Variants in SDK1 observed in about 807,000 individuals in gnomAD.
SDK1 encodes protein sidekick-1.
A neutral mutation model predicts 245.5 loss-of-function variants in SDK1; 157 were observed. That is an observed-to-expected ratio of 0.64 (90% CI 0.56 to 0.73). The LOEUF (loss-of-function observed/expected upper bound fraction) is 0.73, where lower values mean the gene tolerates loss of function less well. Among genes scored for constraint, SDK1 ranks in the 30% least tolerant of loss-of-function variants. The pLI is 0.00. For missense variants in SDK1, 3,583 were observed against 3,002.3 expected (o/e 1.19, Z -4.52); for synonymous variants, 1,647 against 1,278.5 (o/e 1.29, Z -6.15).
rs1442667276 is a variant in SDK1, at chr7:3,821,562, T to C, written c.826T>C (p.Phe276Leu). 1 of 1,613,762 alleles carries C rather than the reference T, an allele frequency of 6.2e-7. No individual in the cohort carries two copies. Among genetic ancestry groups the C allele is most frequent in the Non-Finnish European group, 8.5e-7 (1 of 1,179,854 alleles). The change falls in exon 5 of 45, where the codon TTC (phenylalanine) becomes CTC (leucine). Residue 276 changes from phenylalanine (F) to leucine (L), a missense_variant. Phe to Leu is a conservative substitution (Grantham distance 22). Coordinates refer to ENST00000404826, the MANE Select transcript of SDK1 (RefSeq NM_152744.4). ...EKNGENKTSP[F>L]IHLSIARDVG... ...AAATGGAGAAAACAAGACAAGCCCA[T>C]TCATTCATTTGAGCATAGCAAGTGA...
rs936538026 is a variant in SDK1, at chr7:3,962,823, C to G, written c.1401C>G (p.Ile467Met). 3 of 1,613,210 alleles carry G rather than the reference C, an allele frequency of 1.9e-6. No individual in the cohort carries two copies. Among genetic ancestry groups the G allele is most frequent in the Non-Finnish European group, 2.5e-6 (3 of 1,179,726 alleles). ...TCGCCAGCAATGAAGGAGGGGAGAT[C>G]CAGACCCACACCTACCTGGATGTAA... ...QCFASNEGGE[I>M]QTHTYLDVTN... The change falls in exon 9 of 45, where the codon ATC becomes ATG. Residue 467 changes from isoleucine (I) to methionine (M), a missense_variant. Transcript: ENST00000404826.
intron 4 of SDK1, among the ~76,000 whole-genome samples, chr7:3,707,124 G>A (rs2115014369): frequency 6.6e-6 from 1 of 152,116 alleles, no homozygotes; most frequent in East Asian, 1.9e-4. Context: ...TGTTTCTCTA[G>A]TTCCTTGAGA....
intron 17 of SDK1, among the ~76,000 whole-genome samples, chr7:4,027,142 C>T (rs1249008030): frequency 1.3e-5 from 2 of 152,164 alleles, no homozygotes; most frequent in Non-Finnish European, 2.9e-5. Flanking sequence ...TAGAGGAGAT[C>T]GGAGCCAGCA....
intron 1 of SDK1, among the ~76,000 whole-genome samples, chr7:3,505,849 G>A (rs1583967854): frequency 6.6e-6 from 1 of 152,074 alleles, no homozygotes; most frequent in African/African-American, 2.4e-5. Context: ...AGCCATGGGA[G>A]GTCCTGGAAC....
chr7:4,093,638 G>A (rs1250733412), intron 22 of SDK1, among the ~76,000 whole-genome samples: 3 of 152,166 alleles, frequency 2.0e-5, no homozygotes, highest in South Asian at 2.1e-4. Context: ...GCGCCCAGGC[G>A]TCCCCAGGAC....
At chr7:3,787,044 A>C (rs545239623) in intron 4 of SDK1, among the ~76,000 whole-genome samples, 2 of 152,250 alleles carry the variant, frequency 1.3e-5, no homozygotes, top group South Asian at 4.2e-4. Context: ...GGTGGTTGAC[A>C]TAAACATTGT....
intron 5 of SDK1, among the ~76,000 whole-genome samples, chr7:3,890,665 G>A (rs1781437156): frequency 6.6e-6 from 1 of 152,122 alleles, no homozygotes; most frequent in African/African-American, 2.4e-5. Context: ...AAAAGTAGCG[G>A]GTGTGGTAGC....
intron 1 of SDK1, among the ~76,000 whole-genome samples, chr7:3,431,619 G>T (rs1267808058): frequency 6.6e-6 from 1 of 152,050 alleles, no homozygotes; most frequent in Non-Finnish European, 1.5e-5. Context: ...AAACTTTTGT[G>T]GTAATCTTTT....
intron 1 of SDK1, among the ~76,000 whole-genome samples, chr7:3,605,951 A>G (rs1781411637): frequency 6.6e-6 from 1 of 152,168 alleles, no homozygotes; most frequent in South Asian, 2.1e-4. Flanking sequence ...TGATCCAATT[A>G]TCTAATTCCA....
At chr7:3,977,864 A>G (rs1000088774) in intron 13 of SDK1, among the ~76,000 whole-genome samples, 2 of 152,244 alleles carry the variant, frequency 1.3e-5, no homozygotes, top group South Asian at 2.1e-4. Flanking sequence ...GCCTGCGTGC[A>G]TGCATGAAGG....
In SDK1 at chr7:4,058,812, A is replaced by G. The variant is rs185998714; in HGVS notation, c.2911+6982A>G. On this transcript the variant is annotated intron_variant, in intron 19 of 44. Transcript: ENST00000404826. ...TCCTAGATAAGTAAAAGCTGAGGGA[A>G]TTCATCTCCACTGGACTGGCCCTAC... Among the ~76,000 whole-genome samples, 473 of 152,358 alleles carry G rather than the reference A, an allele frequency of 3.1e-3. 2 individuals carry two copies. The highest frequency in any genetic ancestry group is 5.8e-3 in the Non-Finnish European group (397 of 68,022).
intron 1 of SDK1, among the ~76,000 whole-genome samples, chr7:3,336,206 T>G (rs1260720371): frequency 6.6e-6 from 1 of 152,130 alleles, no homozygotes; most frequent in Non-Finnish European, 1.5e-5. Context: ...TTCCCAGGCT[T>G]CGAGAGCAGG....
chr7:4,221,249 C>T lies in SDK1; in HGVS notation c.5712C>T (p.Gly1904=), dbSNP rs373165856. The T allele has an allele frequency of 2.5e-6, 4 of 1,613,476 alleles. No homozygotes were observed. Among genetic ancestry groups the T allele is most frequent in the Non-Finnish European group, 3.4e-6 (4 of 1,179,980 alleles). Residue 1904 remains glycine (G), a synonymous_variant, in exon 40 of 45, where the codon GGC becomes GGT. Transcript: ENST00000404826. ...ITAGPAEGSP[G]SPRDVLVTKS... is the part of the protein sequence containing the mutation. ...TTCTTTATCCCGCAGGATCCCCGGG[C>T]TCGCCTAGAGATGTCCTGGTCACCA...
chr7:3,911,414 C>G (rs1439714485), intron 5 of SDK1, among the ~76,000 whole-genome samples: 1 of 152,120 alleles, frequency 6.6e-6, no homozygotes, highest in Non-Finnish European at 1.5e-5. Context: ...AAGTCCAAGA[C>G]CAAGGCACCA....
intron 9 of SDK1, among the ~76,000 whole-genome samples, chr7:3,966,755 C>A (rs1490181210): frequency 6.6e-6 from 1 of 152,004 alleles, no homozygotes; most frequent in Non-Finnish European, 1.5e-5. Context: ...GCACGATCAT[C>A]ACTCACTGCA....
At chr7:3,925,831 T>C (rs140874936) in intron 5 of SDK1, among the ~76,000 whole-genome samples, 70 of 152,268 alleles carry the variant, frequency 4.6e-4, no homozygotes, top group Non-Finnish European at 8.2e-4. Flanking sequence ...CTGAAAAACA[T>C]AGGGTCAGCC....
intron 26 of SDK1, among the ~76,000 whole-genome samples, chr7:4,128,281 C>A (rs1427295431): frequency 6.6e-6 from 1 of 152,172 alleles, no homozygotes; most frequent in African/African-American, 2.4e-5. Flanking sequence ...TTGTTTTCCC[C>A]GCCTGCTCTC....
At chr7:3,625,085 C>G (rs1256013513) in intron 2 of SDK1, among the ~76,000 whole-genome samples, 3 of 151,944 alleles carry the variant, frequency 2.0e-5, no homozygotes, top group African/African-American at 7.3e-5. Context: ...AGTTCTCAAA[C>G]CAATGCTAAA....
At chr7:3,886,771 C>G (rs976908395) in intron 5 of SDK1, among the ~76,000 whole-genome samples, 1 of 152,134 alleles carries the variant, frequency 6.6e-6, no homozygotes, top group Non-Finnish European at 1.5e-5. Flanking sequence ...TAAAAATTAG[C>G]TAAGCATGGT....
Sources: gnomAD v4.1 joint callset for allele counts (sites outside exome capture counted in the v4.1 genomes callset) on GRCh38, gnomAD v4.1.1 for gene constraint, MANE v1.5 for transcripts, NCBI Gene and HGNC (gene_info 2026-07-23, HGNC 2026-07-21) for gene names.